Variants in PGBD5 observed in about 807,000 individuals in gnomAD.
PGBD5 encodes the protein piggyBac transposable element derived 5.
A neutral mutation model predicts 47.9 loss-of-function variants in PGBD5; 14 were observed. The ratio of observed to expected loss-of-function variants is 0.29; its 90% CI spans 0.19 to 0.46. PGBD5 has a LOEUF of 0.46. Among genes scored for constraint, PGBD5 ranks in the 20% least tolerant of loss-of-function variants. The pLI is 1.00. For missense variants in PGBD5, 635 were observed against 716.0 expected (o/e 0.89, Z 1.29); for synonymous variants, 316 against 306.3 (o/e 1.03, Z -0.33).
chr1:230,369,065 T>C (rs1454992853), intron 1 of PGBD5, among the ~76,000 whole-genome samples: 2 of 152,232 alleles, frequency 1.3e-5, no homozygotes, highest in Non-Finnish European at 2.9e-5. Flanking sequence ...CTGGAAGGCC[T>C]TGGCCACAGG....
At chr1:230,377,006 G>T (rs1300833978) in intron 1 of PGBD5, among the ~76,000 whole-genome samples, 2 of 152,296 alleles carry the variant, frequency 1.3e-5, no homozygotes, top group African/African-American at 4.8e-5. Context: ...CAGCTAGCAA[G>T]TAAGGGCCCA....
In PGBD5 at chr1:230,319,237, G is replaced by A. The variant is rs1379344938; in HGVS notation, c.*4188C>T. ...GGATCCCTGTGAGGAGTAAGGCTCT[G>A]GGGCAGAAGGGCCACCCCAAGCCGC... On this transcript the variant is annotated 3_prime_UTR_variant, in exon 7 of 7. Transcript: ENST00000391860. 1 of 152,232 alleles carries A rather than the reference G, an allele frequency of 6.6e-6. No individual in the cohort carries two copies. The highest frequency in any genetic ancestry group is 2.4e-5 in the African/African-American group (1 of 41,432). The allele number at this position is 152,232 out of a possible 1,614,324, so 9.4% of individuals were successfully genotyped here. A position where few individuals can be genotyped will look rare whatever the true frequency, so the allele number is the denominator to read the frequency against.
At chr1:230,416,997 A>T (rs1183312441) in intron 1 of PGBD5, among the ~76,000 whole-genome samples, 1 of 152,194 alleles carries the variant, frequency 6.6e-6, no homozygotes, top group Non-Finnish European at 1.5e-5. Context: ...TGATATAAGA[A>T]GTGGAAGGAT....
Position 230,318,353 on chromosome 1 carries a change from G to A in PGBD5, c.*5072C>T, listed in dbSNP as rs1666981100. The A allele has an allele frequency of 6.6e-6, 1 of 152,270 alleles. No individual in the cohort carries two copies. The highest frequency in any genetic ancestry group is 2.1e-4 in the South Asian group (1 of 4,826). 9.4% of individuals were successfully genotyped at this position (152,270 alleles called of 1,614,324 possible). On this transcript the variant is annotated 3_prime_UTR_variant, in exon 7 of 7. Coordinates refer to ENST00000391860, the MANE Select transcript of PGBD5 (RefSeq NM_001258311.2). ...AAGGGATTAAGTGATGGAGTCAAAA[G>A]TGAGAAGCCTCAGTCATGTTCCTGA...
intron 1 of PGBD5, among the ~76,000 whole-genome samples, chr1:230,360,579 T>C (rs953311118): frequency 1.3e-5 from 2 of 152,206 alleles, no homozygotes; most frequent in Non-Finnish European, 2.9e-5. Flanking sequence ...GACAGTTTTA[T>C]AATTGTCTGG....
chr1:230,323,416 C>T lies in PGBD5; in HGVS notation c.*9G>A. ...GCCCCTCCCTTGACCGAGTCCTGCG[C>T]CCCCAGCATCAGTGGGTCGGAGAGG... On this transcript the variant is annotated 3_prime_UTR_variant, in exon 7 of 7. Transcript: ENST00000391860. This position sits in a 1 kb window ranked among gnomAD's most constrained non-coding sequence, Gnocchi z 4.1. 2 of 1,610,792 alleles carry T rather than the reference C, an allele frequency of 1.2e-6. No individual in the cohort carries two copies. Among genetic ancestry groups the T allele is most frequent in the African/African-American group, 1.3e-5 (1 of 74,966 alleles).
At chr1:230,367,301 T>C (rs1667850992) in intron 1 of PGBD5, among the ~76,000 whole-genome samples, 1 of 152,158 alleles carries the variant, frequency 6.6e-6, no homozygotes, top group Non-Finnish European at 1.5e-5. Flanking sequence ...CCATGTACCA[T>C]GGCACACGTC....
chr1:230,365,312 C>CA (rs34846205), intron 1 of PGBD5, among the ~76,000 whole-genome samples: 46,829 of 115,372 alleles, frequency 0.41, 8,254 homozygotes, highest in Non-Finnish European at 0.47. Flanking sequence ...GACTCCATCT[C>CA]AAAAAAAAAA....
intron 2 of PGBD5, among the ~76,000 whole-genome samples, chr1:230,353,273 C>T (rs947446478): frequency 1.3e-5 from 2 of 152,078 alleles, no homozygotes; most frequent in Admixed American, 6.6e-5. Context: ...TTGATGAGCT[C>T]GTTTTGAGGT....
chr1:230,422,707 G>A (rs1407825609), intron 1 of PGBD5, among the ~76,000 whole-genome samples: 3 of 152,208 alleles, frequency 2.0e-5, no homozygotes, highest in Admixed American at 6.5e-5. Context: ...ACTTCCGGAG[G>A]AGCTGATCTA....
At chr1:230,369,349 CA>C (rs938674191) in intron 1 of PGBD5, among the ~76,000 whole-genome samples, 3 of 152,234 alleles carry the variant, frequency 2.0e-5, no homozygotes, top group Admixed American at 1.3e-4. Context: ...GCTCATGGGT[CA>C]GGGGGACTGC....
intron 2 of PGBD5, 54 bp downstream of exon 2, chr1:230,356,840 G>C: frequency 6.4e-7 from 1 of 1,566,662 alleles, no homozygotes; most frequent in Non-Finnish European, 8.7e-7. Flanking sequence ...GACAAGGCTA[G>C]GCCGAGAGAG....
intron 1 of PGBD5, among the ~76,000 whole-genome samples, chr1:230,416,990 T>C (rs192351808): frequency 1.1e-3 from 166 of 152,326 alleles, no homozygotes; most frequent in Non-Finnish European, 2.0e-3. Flanking sequence ...ATGGCAATGA[T>C]ATAAGAAGTG....
chr1:230,419,483 T>C (rs557471218), intron 1 of PGBD5, among the ~76,000 whole-genome samples: 1 of 152,278 alleles, frequency 6.6e-6, no homozygotes, highest in Admixed American at 6.5e-5. Context: ...ATGGGCTCAA[T>C]CAGACTCCAA....
At chr1:230,392,331 G>A (rs933309046) in intron 1 of PGBD5, among the ~76,000 whole-genome samples, 1 of 152,090 alleles carries the variant, frequency 6.6e-6, no homozygotes, top group Non-Finnish European at 1.5e-5. Context: ...GTACCCCTGC[G>A]TCTCCCCTCC....
chr1:230,416,772 G>A (rs972393609), intron 1 of PGBD5, among the ~76,000 whole-genome samples: 2 of 152,292 alleles, frequency 1.3e-5, no homozygotes, highest in African/African-American at 4.8e-5. Context: ...ATTTCCCTTC[G>A]GTTTGGATGG....
In PGBD5 at chr1:230,416,628, A is replaced by C. The variant is rs564674696; in HGVS notation, c.331+8970T>G. Among the ~76,000 whole-genome samples, 3 of 152,332 alleles carry C rather than the reference A, an allele frequency of 2.0e-5. No individual in the cohort carries two copies. The East Asian group carries it at 5.8e-4, about 29-fold the overall frequency. On this transcript the variant is annotated intron_variant, in intron 1 of 6. Coordinates refer to ENST00000391860, the MANE Select transcript of PGBD5 (RefSeq NM_001258311.2). ...GGCTGCCGTTCGAAAGTCAGGAAGA[A>C]CATTCCGGGCAAGGGCCTGGCAGAC...
chr1:230,360,786 T>A lies in PGBD5; in HGVS notation c.332-3465A>T, dbSNP rs112506829. Reference sequence around the variant, plus strand: ...CATGAGAACGGACTAATACAGTTAGTCCTTATCAACAACTTAATCACAGGA... The same window carrying A: ...CATGAGAACGGACTAATACAGTTAGACCTTATCAACAACTTAATCACAGGA... On this transcript the variant is annotated intron_variant, in intron 1 of 6. Transcript: ENST00000391860. Among the ~76,000 whole-genome samples, 1,158 of 152,266 alleles carry A rather than the reference T, an allele frequency of 7.6e-3. 13 individuals carry two copies. Among genetic ancestry groups the A allele is most frequent in the African/African-American group, 0.027 (1,112 of 41,556 alleles).
chr1:230,372,015 C>T (rs565601972), intron 1 of PGBD5, among the ~76,000 whole-genome samples: 80 of 152,274 alleles, frequency 5.3e-4, no homozygotes, highest in Non-Finnish European at 1.3e-4. Flanking sequence ...GGAAGCCCTA[C>T]CCAACCAACA....
Sources: gnomAD v4.1 joint callset for allele counts (sites outside exome capture counted in the v4.1 genomes callset) on GRCh38, gnomAD v4.1.1 for gene constraint, Gnocchi (gnomAD v3.1) non-coding constraint, MANE v1.5 for transcripts, NCBI Gene and HGNC (gene_info 2026-07-23, HGNC 2026-07-21) for gene names.